Variants in CTNNA2 observed in about 807,000 individuals in gnomAD.
The protein encoded by CTNNA2 is catenin alpha 2.
In CTNNA2, 42 loss-of-function variants were observed where a neutral mutation model predicts 101.0. That is an observed-to-expected ratio of 0.42 (90% confidence interval 0.32 to 0.54). The LOEUF (loss-of-function observed/expected upper bound fraction) is 0.54, where lower values mean the gene tolerates loss of function less well. Among genes scored for constraint, CTNNA2 ranks in the 20% least tolerant of loss-of-function variants. CTNNA2 has a pLI of 0.14. For missense variants in CTNNA2, 871 were observed against 1,223.1 expected, an observed-to-expected ratio of 0.71 and a Z score of 4.29; for synonymous variants, 450 against 456.4, an observed-to-expected ratio of 0.99 and a Z score of 0.18.
At chr2:79,802,432 C>G (rs531491768) in intron 3 of CTNNA2, among the ~76,000 whole-genome samples, 10 of 152,298 alleles carry the variant, frequency 6.6e-5, no homozygotes, top group African/African-American at 2.4e-4. Context: ...TTGAGGACAT[C>G]ATGCCAAGTT....
chr2:80,540,860 T>C (rs1170048831), intron 9 of CTNNA2, among the ~76,000 whole-genome samples: 6 of 151,638 alleles, frequency 4.0e-5, no homozygotes, highest in Non-Finnish European at 7.3e-5. Context: ...ACACCCTGGC[T>C]ATTTTTTGTA....
intron 7 of CTNNA2, among the ~76,000 whole-genome samples, chr2:80,157,700 A>G (rs1251605080): frequency 1.3e-5 from 2 of 152,036 alleles, no homozygotes; most frequent in African/African-American, 4.8e-5. Flanking sequence ...AGAATGTTTA[A>G]TGCAACCACA....
chr2:79,568,858 CAAAA>C (rs540965419), intron 1 of CTNNA2, among the ~76,000 whole-genome samples: 8 of 68,978 alleles, frequency 1.2e-4, no homozygotes, highest in African/African-American at 4.7e-4. Context: ...TCTGTTTCTA[CAAAA>C]AAAAAAAAAA....
At chr2:80,112,797 A>G (rs1231639409) in intron 7 of CTNNA2, among the ~76,000 whole-genome samples, 1 of 152,208 alleles carries the variant, frequency 6.6e-6, no homozygotes. Flanking sequence ...ATTAGTCTAA[A>G]GAAAACATAA....
At chr2:79,630,779 T>G (rs766262617) in intron 1 of CTNNA2, among the ~76,000 whole-genome samples, 1 of 152,208 alleles carries the variant, frequency 6.6e-6, no homozygotes, top group Non-Finnish European at 1.5e-5. Flanking sequence ...AGCCATCAAT[T>G]CCAGACACAC....
intron 17 of CTNNA2, among the ~76,000 whole-genome samples, chr2:80,612,437 C>A (rs563811839): frequency 6.6e-6 from 1 of 151,646 alleles, no homozygotes; most frequent in South Asian, 2.1e-4. Context: ...AACATACAAA[C>A]ACAGAGCACA....
intron 9 of CTNNA2, among the ~76,000 whole-genome samples, chr2:80,440,753 T>G (rs1248830597): frequency 6.6e-6 from 1 of 152,202 alleles, no homozygotes; most frequent in Non-Finnish European, 1.5e-5. Flanking sequence ...TGACATCTCT[T>G]AGGGGGATTC....
chr2:79,543,841 CTT>C (rs1673565397), intron 1 of CTNNA2, among the ~76,000 whole-genome samples: 1 of 152,040 alleles, frequency 6.6e-6, no homozygotes, highest in African/African-American at 2.4e-5. Flanking sequence ...TAAAAAAAGA[CTT>C]TGTGATTTAA....
At chr2:79,471,754 C>T (rs778831785) in intron 4 of CTNNA2, among the ~76,000 whole-genome samples, 7 of 152,040 alleles carry the variant, frequency 4.6e-5, no homozygotes, top group Non-Finnish European at 8.8e-5. Context: ...AGAAGAACGG[C>T]CTGAACCCAG....
intron 17 of CTNNA2, among the ~76,000 whole-genome samples, chr2:80,618,040 G>A (rs180997520): frequency 6.6e-6 from 1 of 151,712 alleles, no homozygotes; most frequent in Admixed American, 6.6e-5. Flanking sequence ...CTTCAATAGT[G>A]TCTGTTACTT....
At chr2:79,651,467 T>C (rs75308770) in intron 1 of CTNNA2, 85 bp from the exon 2 acceptor site, 23 of 1,285,752 alleles carry the variant, frequency 1.8e-5, no homozygotes, top group Non-Finnish European at 2.5e-5. Flanking sequence ...GTTCTAAGTT[T>C]CAGTGATTTA....
chr2:80,012,916 G>A (rs539879343), intron 7 of CTNNA2, among the ~76,000 whole-genome samples: 130 of 152,288 alleles, frequency 8.5e-4, no homozygotes, highest in Admixed American at 7.2e-3. Context: ...TGTAATCCCA[G>A]CACACTTTGT....
chr2:79,703,590 T>G (rs1685152354), intron 2 of CTNNA2, among the ~76,000 whole-genome samples: 1 of 152,244 alleles, frequency 6.6e-6, no homozygotes, highest in Non-Finnish European at 1.5e-5. Context: ...ATCTACTGCC[T>G]TCCAGTTAGG....
At chr2:80,523,326 G>A (rs1228659018) in intron 9 of CTNNA2, among the ~76,000 whole-genome samples, 1 of 152,120 alleles carries the variant, frequency 6.6e-6, no homozygotes, top group Non-Finnish European at 1.5e-5. Context: ...TGCATGGAGA[G>A]AGGCAACTTT....
intron 1 of CTNNA2, among the ~76,000 whole-genome samples, chr2:79,649,991 T>C (rs1048759722): frequency 6.6e-6 from 1 of 152,110 alleles, no homozygotes; most frequent in Non-Finnish European, 1.5e-5. Flanking sequence ...TGGAATTGAA[T>C]GGGGACATTG....
At chr2:79,789,088 T>A (rs936398878) in intron 3 of CTNNA2, among the ~76,000 whole-genome samples, 17 of 152,162 alleles carry the variant, frequency 1.1e-4, no homozygotes, top group South Asian at 8.3e-4. Flanking sequence ...GCTAATTAAA[T>A]GTTACAATCG....
At chr2:80,619,687 C>T (rs1286803333) in intron 18 of CTNNA2, among the ~76,000 whole-genome samples, 1 of 151,880 alleles carries the variant, frequency 6.6e-6, no homozygotes, top group Admixed American at 6.6e-5. Context: ...GAGGATGATA[C>T]ATGAGGATTA....
intron 7 of CTNNA2, among the ~76,000 whole-genome samples, chr2:79,944,750 T>C (rs893600198): frequency 2.0e-5 from 3 of 152,166 alleles, no homozygotes; most frequent in African/African-American, 7.2e-5. Context: ...ATTATATTCA[T>C]TAATCATAAG....
chr2:80,043,515 A>T (rs1448165621), intron 7 of CTNNA2, among the ~76,000 whole-genome samples: 1 of 152,102 alleles, frequency 6.6e-6, no homozygotes, highest in African/African-American at 2.4e-5. Flanking sequence ...TCATGTTTTC[A>T]TAAGGTGTCC....
Sources: gnomAD v4.1 joint callset for allele counts (sites outside exome capture counted in the v4.1 genomes callset) on GRCh38, gnomAD v4.1.1 for gene constraint, MANE v1.5 for transcripts, NCBI Gene and HGNC (gene_info 2026-07-23, HGNC 2026-07-21) for gene names.